Variants in LANCL3 observed in about 807,000 individuals in gnomAD.
The protein encoded by LANCL3 is LanC like family member 3.
LANCL3 carries 19 observed loss-of-function variants against 26.5 expected under a neutral mutation model. The ratio of observed to expected loss-of-function variants is 0.72; its 90% CI spans 0.50 to 1.05. LANCL3 has a LOEUF of 1.05. Among genes scored for constraint, LANCL3 ranks in the 50% least tolerant of loss-of-function variants. The pLI, the probability that LANCL3 is intolerant of heterozygous loss-of-function variation, is 0.00. For synonymous variants in LANCL3, 160 were observed against 166.6 expected (o/e 0.96, Z 0.30); for missense variants, 318 against 362.7 (o/e 0.88, Z 1.00).
At chrX:37,628,961 C>T (rs1235999633) in intron 1 of LANCL3, among the ~76,000 whole-genome samples, 1 of 110,367 alleles carries the variant, frequency 9.1e-6, no homozygotes, top group African/African-American at 3.3e-5. Context: ...GGGTGTATGC[C>T]CAGTAATGGG....
At chrX:37,606,762 G>A (rs1222432801) in intron 1 of LANCL3, among the ~76,000 whole-genome samples, 1 of 111,965 alleles carries the variant, frequency 8.9e-6, no homozygotes, top group Admixed American at 9.4e-5. Context: ...AGCCTGAAAC[G>A]AGCTCAGCTT....
At chrX:37,584,076 C>A (rs1323933183) in intron 1 of LANCL3, among the ~76,000 whole-genome samples, 1 of 111,604 alleles carries the variant, frequency 9.0e-6, no homozygotes, top group Non-Finnish European at 1.9e-5. Context: ...TTGAGATAAT[C>A]GTGTGGTTTT....
intron 4 of LANCL3, among the ~76,000 whole-genome samples, chrX:37,667,736 G>T (rs1202001298): frequency 9.0e-6 from 1 of 111,011 alleles, no homozygotes; most frequent in African/African-American, 3.3e-5. Context: ...TTGAGGGTGG[G>T]TAATTTATCA....
At chrX:37,600,826 A>G (rs940321047) in intron 1 of LANCL3, among the ~76,000 whole-genome samples, 2 of 111,485 alleles carry the variant, frequency 1.8e-5, no homozygotes, top group Non-Finnish European at 3.8e-5. Flanking sequence ...ACAGGATGCG[A>G]AACACTTTTG....
intron 4 of LANCL3, among the ~76,000 whole-genome samples, chrX:37,671,742 A>G: frequency 8.9e-6 from 1 of 112,025 alleles, no homozygotes; most frequent in East Asian, 2.8e-4. Context: ...TTTTCTCAGA[A>G]AGGCCCTCCC....
Position 37,678,701 on chromosome X carries a change from G to C in LANCL3, c.*2888G>C, listed in dbSNP as rs1339557644. On this transcript the variant is annotated 3_prime_UTR_variant, in exon 5 of 5. Transcript: ENST00000378619. ...AGTTTGTAGTCTTTTACTTCCACTT[G>C]TAACTTGATAACTGAGTAGAACAGG... The C allele has an allele frequency of 1.8e-5, 2 of 111,137 alleles. No individual in the cohort carries two copies. Among genetic ancestry groups the C allele is most frequent in the Middle Eastern group, 4.2e-3 (1 of 240 alleles). The allele number at this position is 111,137 out of a possible 1,213,427, so 9.2% of individuals were successfully genotyped here. A position where few individuals can be genotyped will look rare whatever the true frequency, so the allele number is the denominator to read the frequency against.
chrX:37,580,180 G>A (rs782160459), intron 1 of LANCL3, among the ~76,000 whole-genome samples: 200 of 111,536 alleles, frequency 1.8e-3, no homozygotes, highest in Admixed American at 3.3e-3. Context: ...TTGTAGGCTG[G>A]GTTCAATTCC....
Position 37,675,669 on chromosome X carries a change from A to G in LANCL3, c.1119A>G (p.Leu373=), listed in dbSNP as rs1556436950. 1 of 1,139,082 alleles carries G rather than the reference A, an allele frequency of 8.8e-7. No homozygotes were observed. Among genetic ancestry groups the G allele is most frequent in the Admixed American group, 2.8e-5 (1 of 35,456 alleles). 93.9% of individuals were successfully genotyped at this position (1,139,082 alleles called of 1,213,427 possible). ...IYRAQRFAQF[L]FTEEFKAGSR... The stretch of plus-strand genomic sequence containing the variant: ...CTTCTCTTAGGTTTGCTCAATTCTT[A>G]TTTACCGAGGAATTCAAGGCCGGTT... Residue 373 remains leucine (L), a synonymous_variant, in exon 5 of 5, where the codon TTA becomes TTG. Coordinates refer to ENST00000378619, the MANE Select transcript of LANCL3 (RefSeq NM_001170331.2).
chrX:37,633,702 C>G (rs980406488), intron 1 of LANCL3, among the ~76,000 whole-genome samples: 1 of 111,650 alleles, frequency 9.0e-6, no homozygotes, highest in East Asian at 2.8e-4. Flanking sequence ...CACTCCAGAC[C>G]CTGTTTGCCT....
At chrX:37,579,628 C>T (rs185198320) in intron 1 of LANCL3, among the ~76,000 whole-genome samples, 1 of 111,696 alleles carries the variant, frequency 9.0e-6, no homozygotes. Context: ...CTGCTGGTAA[C>T]TGAAACCACA....
At chrX:37,654,533 G>A (rs1199174278) in intron 1 of LANCL3, among the ~76,000 whole-genome samples, 1 of 112,101 alleles carries the variant, frequency 8.9e-6, no homozygotes, top group African/African-American at 3.2e-5. Context: ...TGAGAGCACA[G>A]GTTCTGTCTA....
intron 1 of LANCL3, among the ~76,000 whole-genome samples, chrX:37,623,712 A>C (rs1335802963): frequency 1.8e-5 from 2 of 111,977 alleles, no homozygotes; most frequent in African/African-American, 6.5e-5. Flanking sequence ...ATCCAAGTGT[A>C]CAAAAGAGTA....
At chrX:37,645,332 G>A (rs1481952011) in intron 1 of LANCL3, among the ~76,000 whole-genome samples, 1 of 112,026 alleles carries the variant, frequency 8.9e-6, no homozygotes, top group African/African-American at 3.2e-5. Flanking sequence ...ATCAACTAGA[G>A]CAACCTGCTT....
chrX:37,610,647 GGC>G (rs1273937197), intron 1 of LANCL3, among the ~76,000 whole-genome samples: 1 of 111,327 alleles, frequency 9.0e-6, no homozygotes, highest in Non-Finnish European at 1.9e-5. Context: ...TTGTTCCTGA[GGC>G]CAATTTTGGC....
intron 1 of LANCL3, among the ~76,000 whole-genome samples, chrX:37,582,353 G>A (rs1382678079): frequency 1.8e-5 from 2 of 111,822 alleles, no homozygotes; most frequent in Non-Finnish European, 3.8e-5. Flanking sequence ...CTGAGGAATC[G>A]CCACACTGTC....
chrX:37,650,168 T>C (rs1394033599), intron 1 of LANCL3, among the ~76,000 whole-genome samples: 1 of 107,843 alleles, frequency 9.3e-6, no homozygotes, highest in Non-Finnish European at 1.9e-5. Flanking sequence ...CCAGGTGTGG[T>C]GGTGGGCACC....
Position 37,606,461 on chromosome X carries a change from C to A in LANCL3, c.573+34018C>A, listed in dbSNP as rs187275395. Among the ~76,000 whole-genome samples the A allele has an allele frequency of 4.5e-5, 5 of 112,182 alleles. No individual in the cohort carries two copies. The East Asian group carries it at 1.4e-3, about 31-fold the overall frequency. On this transcript the variant is annotated intron_variant, in intron 1 of 4. Transcript: ENST00000378619. ...CAGGCCTTTTTAAGAATAGCATTCC[C>A]AGTGCTGCTATGTTAACACATTTCT...
intron 4 of LANCL3, chrX:37,668,289 T>TATAAATATATATATCCTAGTTATATAC (rs1556434766): frequency 4.7e-5 from 8 of 171,714 alleles, no homozygotes; most frequent in Non-Finnish European, 6.5e-5. Flanking sequence ...TAGTTATATA[T>TATAAATATATATATCCTAGTTATATAC]ATAAATATAT....
chrX:37,650,972 A>G (rs1354821244), intron 1 of LANCL3, among the ~76,000 whole-genome samples: 1 of 103,675 alleles, frequency 9.6e-6, no homozygotes, highest in African/African-American at 3.6e-5. Flanking sequence ...GAATGAGAAC[A>G]TGTGGTGTTT....
Sources: gnomAD v4.1 joint callset for allele counts (sites outside exome capture counted in the v4.1 genomes callset) on GRCh38, gnomAD v4.1.1 for gene constraint, MANE v1.5 for transcripts, NCBI Gene and HGNC (gene_info 2026-07-23, HGNC 2026-07-21) for gene names.